The following SPAST variants were observed in gnomAD, a reference collection of about 807,000 sequenced individuals.
SPAST encodes the protein spastin.
A neutral mutation model predicts 76.6 loss-of-function variants in SPAST; 30 were observed. That is an observed-to-expected ratio of 0.39 (90% CI 0.29 to 0.53). The LOEUF (loss-of-function observed/expected upper bound fraction) is 0.53. SPAST is among the 20% of genes least tolerant of loss of function. SPAST has a pLI of 0.68. For missense variants in SPAST, 717 were observed against 770.5 expected (o/e 0.93, Z 0.82); for synonymous variants, 305 against 281.0 (o/e 1.09, Z -0.86).
intron 15 of SPAST, 166 bp from the exon 16 acceptor site, chr2:32,147,052 A>G: frequency 3.4e-6 from 2 of 582,502 alleles, no homozygotes; most frequent in Non-Finnish European, 6.2e-6. Flanking sequence ...TCTTCTCAGC[A>G]TTTATAAATT....
At chr2:32,081,538 T>G (rs1286916056) in intron 1 of SPAST, among the ~76,000 whole-genome samples, 1 of 151,976 alleles carries the variant, frequency 6.6e-6, no homozygotes, top group Non-Finnish European at 1.5e-5. Context: ...TCTCCACCAC[T>G]TTCAGAGTTC....
At chr2:32,128,018 A>G (rs976033734) in intron 8 of SPAST, 1 of 177,910 alleles carries the variant, frequency 5.6e-6, no homozygotes, top group Non-Finnish European at 1.2e-5. Context: ...TTTTTTTTAG[A>G]CAGTCTTACT....
intron 16 of SPAST, among the ~76,000 whole-genome samples, chr2:32,147,877 T>C (rs965675271): frequency 4.7e-5 from 7 of 149,002 alleles, no homozygotes; most frequent in Non-Finnish European, 8.9e-5. Context: ...GTGATCTGCC[T>C]GCCTCAGCCT....
intron 7 of SPAST, among the ~76,000 whole-genome samples, chr2:32,126,152 C>T (rs1167568631): frequency 5.9e-5 from 9 of 152,070 alleles, no homozygotes. Flanking sequence ...TTCTGTGGTG[C>T]CTGATAACAT....
intron 4 of SPAST, among the ~76,000 whole-genome samples, chr2:32,110,079 T>C (rs185630246): frequency 1.0e-4 from 15 of 148,294 alleles, no homozygotes; most frequent in African/African-American, 3.7e-4. Flanking sequence ...TTTGTATATG[T>C]GTGTATACAT....
At chr2:32,066,009 T>C (rs915761011) in intron 1 of SPAST, 1 of 150,690 alleles carries the variant, frequency 6.6e-6, no homozygotes, top group African/African-American at 2.5e-5. Flanking sequence ...AGTCTCCCTG[T>C]GTCACCCAGA....
intron 14 of SPAST, 121 bp from the exon 15 acceptor site, chr2:32,144,816 G>A (rs1409030113): frequency 1.2e-5 from 8 of 691,568 alleles, no homozygotes; most frequent in Admixed American, 2.0e-5. Flanking sequence ...TCCAGGAGGT[G>A]GAGATCACAG....
chr2:32,138,005 C>T (rs1679595706), intron 12 of SPAST, among the ~76,000 whole-genome samples: 1 of 152,138 alleles, frequency 6.6e-6, no homozygotes, highest in Admixed American at 6.5e-5. Flanking sequence ...TTTTTTATGG[C>T]TGCGTAGTAC....
At chr2:32,083,381 A>G (rs912665967) in intron 1 of SPAST, among the ~76,000 whole-genome samples, 1 of 152,188 alleles carries the variant, frequency 6.6e-6, no homozygotes. Context: ...TATATGTTTA[A>G]TGTCATAAGA....
intron 4 of SPAST, among the ~76,000 whole-genome samples, chr2:32,105,437 G>T (rs890577282): frequency 6.6e-6 from 1 of 152,026 alleles, no homozygotes; most frequent in African/African-American, 2.4e-5. Flanking sequence ...ATTACCCATC[G>T]TCTGAGGCCT....
chr2:32,152,443 A>AC (rs1194210700), intron 16 of SPAST, among the ~76,000 whole-genome samples: 11 of 151,948 alleles, frequency 7.2e-5, no homozygotes, highest in Admixed American at 7.2e-4. Flanking sequence ...GGTGGCGCAC[A>AC]CCTATAGTCC....
intron 4 of SPAST, among the ~76,000 whole-genome samples, chr2:32,111,479 CAT>C (rs1202977857): frequency 6.7e-6 from 1 of 149,822 alleles, no homozygotes; most frequent in South Asian, 2.1e-4. Context: ...GTTACATATA[CAT>C]ATAGTTATTT....
intron 1 of SPAST, among the ~76,000 whole-genome samples, chr2:32,070,226 T>C (rs1676693490): frequency 6.6e-6 from 1 of 151,932 alleles, no homozygotes; most frequent in African/African-American, 2.4e-5. Flanking sequence ...CCACTATGCC[T>C]GGCTAATATT....
chr2:32,114,815 C>G lies in SPAST; in HGVS notation c.860C>G (p.Thr287Ser). The G allele has an allele frequency of 6.2e-7, 1 of 1,613,624 alleles. No homozygotes were observed. ...GVKQGSGPAPTTHKGTPKTNR... is the reference protein window; with the variant it reads ...GVKQGSGPAPSTHKGTPKTNR... ...AAACAGGGATCTGGTCCTGCTCCTA[C>G]CACTCATAAGGTATTCTGGGACAGT... The change falls in exon 5 of 17, where the codon ACC (threonine) becomes AGC (serine). Residue 287 changes from threonine (T) to serine (S), a missense_variant. Thr to Ser is a moderately conservative substitution (Grantham distance 58). This residue lies in a region of SPAST where 543 missense variants were observed against 445.2 expected (regional missense o/e 1.22). Transcript: ENST00000315285.
At chr2:32,114,530 T>A (rs560319865) in intron 4 of SPAST, 108 bp from the exon 5 acceptor site, 1 of 847,322 alleles carries the variant, frequency 1.2e-6, no homozygotes, top group African/African-American at 1.7e-5. Context: ...TTTTGAAATA[T>A]TTTTGAATTA....
At chr2:32,143,160 C>T (rs923136589) in intron 13 of SPAST, among the ~76,000 whole-genome samples, 176 bp from the exon 14 acceptor site, 5 of 151,752 alleles carry the variant, frequency 3.3e-5, no homozygotes, top group African/African-American at 9.7e-5. Context: ...CCCAGTTACT[C>T]GGGAGGCTGA....
At chr2:32,154,278 TAAG>T in intron 16 of SPAST, 93 bp from the exon 17 acceptor site, 1 of 1,069,978 alleles carries the variant, frequency 9.3e-7, no homozygotes, top group Non-Finnish European at 1.4e-6. Context: ...TTTATAACAT[TAAG>T]AAACAGCAGC....
chr2:32,088,225 G>A (rs1279960263), intron 2 of SPAST, among the ~76,000 whole-genome samples: 1 of 151,722 alleles, frequency 6.6e-6, no homozygotes, highest in African/African-American at 2.4e-5. Context: ...TAGAGACAGG[G>A]TCTCACTGTG....
intron 1 of SPAST, among the ~76,000 whole-genome samples, chr2:32,082,898 A>G (rs929608072): frequency 2.0e-5 from 3 of 152,068 alleles, no homozygotes; most frequent in Non-Finnish European, 2.9e-5. Context: ...AGATACCACA[A>G]TTTGTTACTC....
Sources: gnomAD v4.1 joint callset for allele counts (sites outside exome capture counted in the v4.1 genomes callset) on GRCh38, gnomAD v4.1.1 for gene constraint, gnomAD v4.1.1 regional missense constraint, MANE v1.5 for transcripts, NCBI Gene and HGNC (gene_info 2026-07-23, HGNC 2026-07-21) for gene names.